TIAM2: variants seen among roughly 807,000 people sequenced by gnomAD.
The protein encoded by TIAM2 is TIAM Rac1 associated GEF 2, also known as rho guanine nucleotide exchange factor TIAM2.
TIAM2 carries 80 observed loss-of-function variants against 152.9 expected under a neutral mutation model. The observed-to-expected ratio is 0.52, with a 90% CI of 0.44 to 0.63. The LOEUF is 0.63. TIAM2 is among the 30% of genes least tolerant of loss of function. The pLI is 0.00. For synonymous variants in TIAM2, 804 were observed against 838.0 expected (o/e 0.96, Z 0.70); for missense variants, 1,965 against 2,120.1 (o/e 0.93, Z 1.44).
At chr6:155,089,518 A>G (rs1778251808) in intron 1 of TIAM2, among the ~76,000 whole-genome samples, 1 of 152,144 alleles carries the variant, frequency 6.6e-6, no homozygotes, top group Non-Finnish European at 1.5e-5. Flanking sequence ...CATCTGTTTA[A>G]TAAGTTATGA....
At chr6:155,114,772 A>G (rs1778971024) in intron 2 of TIAM2, among the ~76,000 whole-genome samples, 1 of 149,436 alleles carries the variant, frequency 6.7e-6, no homozygotes, top group Non-Finnish European at 1.5e-5. Flanking sequence ...AAGATGTTTG[A>G]TTTGTGAAAG....
At chr6:155,127,867 T>C (rs1238421794) in intron 3 of TIAM2, among the ~76,000 whole-genome samples, 3 of 152,194 alleles carry the variant, frequency 2.0e-5, no homozygotes, top group Non-Finnish European at 4.4e-5. Context: ...AGTGATATAC[T>C]GGTTTGAGTG....
At chr6:155,206,710 C>T (rs542213656) in intron 14 of TIAM2, among the ~76,000 whole-genome samples, 2 of 152,322 alleles carry the variant, frequency 1.3e-5, no homozygotes, top group African/African-American at 4.8e-5. Context: ...GACATTGCAG[C>T]TCTGCTGGCT....
At chr6:155,093,075 A>G (rs1031818637) in intron 2 of TIAM2, among the ~76,000 whole-genome samples, 2 of 152,206 alleles carry the variant, frequency 1.3e-5, no homozygotes, top group Admixed American at 6.5e-5. Context: ...TTCTGTGTGT[A>G]TAACAATATA....
chr6:155,180,239 T>C (rs1012140054), intron 12 of TIAM2, among the ~76,000 whole-genome samples: 1 of 152,066 alleles, frequency 6.6e-6, no homozygotes, highest in African/African-American at 2.4e-5. Flanking sequence ...TAAGCCAAGA[T>C]TGCACCACTG....
rs1227892778 is a variant in TIAM2 at position 155,256,701 on chromosome 6, C to T, written c.4686C>T (p.Ile1562=). The T allele has an allele frequency of 1.1e-5, 17 of 1,614,178 alleles. No homozygotes were observed. The highest frequency in any genetic ancestry group is 1.4e-5 in the Non-Finnish European group (17 of 1,180,036). The change falls in exon 27 of 27, where the codon ATC becomes ATT. Residue 1562 remains isoleucine (I), a synonymous_variant. Coordinates refer to ENST00000682666, the MANE Select transcript of TIAM2 (RefSeq NM_012454.4). The stretch of plus-strand genomic sequence containing the variant: ...TGGCAGATTTTGCCGACAATCTCAT[C>T]AAAGAGAGTGACATCCTGAGCGATG... The part of the protein sequence containing the change: ...PGLADFADNL[I]KESDILSDED...
intron 2 of TIAM2, among the ~76,000 whole-genome samples, chr6:155,106,600 C>A (rs961090911): frequency 6.6e-6 from 1 of 152,172 alleles, no homozygotes; most frequent in African/African-American, 2.4e-5. Context: ...ATGATCATAA[C>A]ATTCCAGCTG....
At chr6:155,016,913 A>G (rs1174655749) in intron 1 of TIAM2, among the ~76,000 whole-genome samples, 1 of 152,104 alleles carries the variant, frequency 6.6e-6, no homozygotes, top group Non-Finnish European at 1.5e-5. Flanking sequence ...ATAAAAATCA[A>G]TAAATAAAAA....
chr6:155,171,725 G>A (rs1780592024), intron 9 of TIAM2, among the ~76,000 whole-genome samples: 1 of 152,164 alleles, frequency 6.6e-6, no homozygotes, highest in African/African-American at 2.4e-5. Context: ...TATGCATACA[G>A]CTAGCGAGCT....
intron 2 of TIAM2, among the ~76,000 whole-genome samples, chr6:155,118,481 G>A (rs555186686): frequency 3.6e-4 from 51 of 142,208 alleles, no homozygotes; most frequent in African/African-American, 1.2e-3. Context: ...TGCCCAGGAT[G>A]GAGTGCAGTG....
rs1399328073 is a variant in TIAM2 at position 155,156,451 on chromosome 6, T to C, written c.2029-7964T>C. On this transcript the variant is annotated intron_variant, in intron 7 of 26. Coordinates refer to ENST00000682666, the MANE Select transcript of TIAM2 (RefSeq NM_012454.4). The surrounding 1 kb of genome is among the most constrained non-coding windows in gnomAD (Gnocchi z 4.4). ...GGGCGGATCACTTGAGGTCAGGAGT[T>C]CAAGACTAGCCTGGCCAATGTGGTG... Among the ~76,000 whole-genome samples, 3 of 152,054 alleles carry C rather than the reference T, an allele frequency of 2.0e-5. No homozygotes were observed. Among genetic ancestry groups the C allele is most frequent in the Admixed American group, 6.6e-5 (1 of 15,262 alleles).
At chr6:155,065,040 C>A (rs1777661127) in intron 1 of TIAM2, among the ~76,000 whole-genome samples, 1 of 152,136 alleles carries the variant, frequency 6.6e-6, no homozygotes, top group African/African-American at 2.4e-5. Flanking sequence ...ACTGCAACCT[C>A]CACCTCCCGG....
At chr6:155,164,683 C>T in intron 8 of TIAM2, 83 bp downstream of exon 8, 1 of 1,500,980 alleles carries the variant, frequency 6.7e-7, no homozygotes, top group Non-Finnish European at 9.0e-7. Flanking sequence ...TTGCCATCGG[C>T]ACTTGTGGGG....
At chr6:155,082,668 A>ATAAATAAAT (rs1358470973) in intron 1 of TIAM2, among the ~76,000 whole-genome samples, 1 of 143,464 alleles carries the variant, frequency 7.0e-6, no homozygotes, top group Non-Finnish European at 1.5e-5. Context: ...AAAAACCCCA[A>ATAAATAAAT]TAAATAAATA....
intron 1 of TIAM2, among the ~76,000 whole-genome samples, chr6:155,037,593 A>G (rs1776946085): frequency 6.6e-6 from 1 of 152,042 alleles, no homozygotes; most frequent in African/African-American, 2.4e-5. Flanking sequence ...CAGTGGCGCA[A>G]TCTCTGCTCA....
In TIAM2 at chr6:155,213,349, G is replaced by C. The variant is rs993557092; in HGVS notation, c.3168+2042G>C. On this transcript the variant is annotated intron_variant, in intron 15 of 26. Coordinates refer to ENST00000682666, the MANE Select transcript of TIAM2 (RefSeq NM_012454.4). The surrounding 1 kb of genome is among the most constrained non-coding windows in gnomAD (Gnocchi z 4.2). ...CATAGAGTGTTCACCTCTCAGCAGA[G>C]AGCAGACCCTGGAGTGGGTAGCTCC... Among the ~76,000 whole-genome samples, 2 of 152,142 alleles carry C rather than the reference G, an allele frequency of 1.3e-5. No individual in the cohort carries two copies. Among genetic ancestry groups the C allele is most frequent in the African/African-American group, 4.8e-5 (2 of 41,440 alleles).
intron 1 of TIAM2, among the ~76,000 whole-genome samples, chr6:155,076,941 C>T (rs565132965): frequency 2.6e-4 from 39 of 152,342 alleles, no homozygotes; most frequent in African/African-American, 8.9e-4. Context: ...GATGATCCAC[C>T]CTCCTCGGCC....
intron 1 of TIAM2, among the ~76,000 whole-genome samples, chr6:155,052,340 A>G (rs114647816): frequency 0.016 from 2,484 of 152,334 alleles, 67 homozygotes; most frequent in African/African-American, 0.057. Flanking sequence ...TGGCAAAATA[A>G]TATTTCATAT....
chr6:155,161,583 T>TTC (rs777125234), intron 7 of TIAM2, among the ~76,000 whole-genome samples: 6,918 of 150,928 alleles, frequency 0.046, 177 homozygotes, highest in South Asian at 0.061. Context: ...TTTTTTTTTT[T>TTC]CTGAGATGGA....
Sources: gnomAD v4.1 joint callset for allele counts (sites outside exome capture counted in the v4.1 genomes callset) on GRCh38, gnomAD v4.1.1 for gene constraint, Gnocchi (gnomAD v3.1) non-coding constraint, MANE v1.5 for transcripts, NCBI Gene and HGNC (gene_info 2026-07-23, HGNC 2026-07-21) for gene names.